USP49: variants seen among roughly 807,000 people sequenced by gnomAD.
USP49 encodes the protein ubiquitin specific peptidase 49.
Under a neutral mutation model 58.6 loss-of-function variants are expected in USP49, and 24 were observed. The ratio of observed to expected loss-of-function variants is 0.41; its 90% CI spans 0.30 to 0.58. The LOEUF (loss-of-function observed/expected upper bound fraction) is 0.58, where lower values mean the gene tolerates loss of function less well. USP49 is among the 20% of genes least tolerant of loss of function. The pLI is 0.30. For synonymous variants in USP49, 408 were observed against 365.1 expected, an observed-to-expected ratio of 1.12 and a Z score of -1.34; for missense variants, 703 against 866.1, an observed-to-expected ratio of 0.81 and a Z score of 2.36.
At position 41,848,014 on chromosome 6, in the gene USP49, C is replaced by G. The variant is rs182862295; in HGVS notation, c.-29+23550G>C. Reference sequence around the variant, plus strand: ...ATTATCTAAAGTCAAAGGCAGAGAACATATTCAAAGCAGCAAAAGAAAATC... The same window carrying G: ...ATTATCTAAAGTCAAAGGCAGAGAAGATATTCAAAGCAGCAAAAGAAAATC... On this transcript the variant is annotated intron_variant, in intron 3 of 7. Coordinates refer to ENST00000682992, the MANE Select transcript of USP49 (RefSeq NM_001286554.2). Among the ~76,000 whole-genome samples the G allele has an allele frequency of 1.3e-4, 20 of 152,224 alleles. No individual in the cohort carries two copies. In the East Asian group the frequency reaches 3.1e-3, roughly 24 times the overall value.
intron 3 of USP49, among the ~76,000 whole-genome samples, chr6:41,823,917 C>T (rs1397587905): frequency 6.6e-6 from 1 of 152,074 alleles, no homozygotes; most frequent in Non-Finnish European, 1.5e-5. Context: ...AATGGTGAAG[C>T]ACTCCTCCTC....
At chr6:41,800,139 T>C (rs913664679) in intron 5 of USP49, among the ~76,000 whole-genome samples, 1 of 152,214 alleles carries the variant, frequency 6.6e-6, no homozygotes, top group African/African-American at 2.4e-5. Flanking sequence ...ATGGAAGTTC[T>C]GGCTAAGATG....
rs1773057076 is a variant in USP49 at position 41,803,523 on chromosome 6, C to G, written c.1561+283G>C. On this transcript the variant is annotated intron_variant, in intron 5 of 7. Transcript: ENST00000682992. This position sits in a 1 kb window ranked among gnomAD's most constrained non-coding sequence, Gnocchi z 4.1. ...TTCACCATGTTGGTCAGGCTGGTCT[C>G]AAACTCCTGACCTCAAGTGATCTGT... Among the ~76,000 whole-genome samples, 1 of 152,204 alleles carries G rather than the reference C, an allele frequency of 6.6e-6. No individual in the cohort carries two copies. Among genetic ancestry groups the G allele is most frequent in the Admixed American group, 6.5e-5 (1 of 15,286 alleles).
chr6:41,806,658 G>A lies in USP49; in HGVS notation c.326C>T (p.Thr109Met), dbSNP rs755635345. 14 of 1,613,864 alleles carry A rather than the reference G, an allele frequency of 8.7e-6. No homozygotes were observed. The highest frequency in any genetic ancestry group is 7.6e-6 in the Non-Finnish European group (9 of 1,180,056). Residue 109 changes from threonine (T) to methionine (M), a missense_variant, in exon 4 of 8, where the codon ACG becomes ATG. Transcript: ENST00000682992. The surrounding 1 kb of genome is among the most constrained non-coding windows in gnomAD (Gnocchi z 5.9). ...CAGCGTCCGCCCACGTCTCACCGGCGTGTCCTGTTTCTGGCCCCGGACCGC... is the reference window on the plus strand; with the variant it reads ...CAGCGTCCGCCCACGTCTCACCGGCATGTCCTGTTTCTGGCCCCGGACCGC... ...LLAVRGQKQD[T>M]PVRRGRTLRS...
At chr6:41,805,477 G>T in intron 4 of USP49, 151 bp downstream of exon 4, 1 of 811,332 alleles carries the variant, frequency 1.2e-6, no homozygotes, top group Non-Finnish European at 1.9e-6. Flanking sequence ...ATAATGTACA[G>T]CAGAATGAAA....
Position 41,797,833 on chromosome 6 carries a change from C to G in USP49, c.1876+891G>C, listed in dbSNP as rs77616180. 6.9e-5 allele frequency: 68 copies of G among 984,008 alleles called. No individual in the cohort carries two copies. In the African/African-American group the frequency reaches 1.1e-3, roughly 16 times the overall value. The allele number at this position is 984,008 out of a possible 1,614,324, so 61.0% of individuals were successfully genotyped here. A position where few individuals can be genotyped will look rare whatever the true frequency, so the allele number is the denominator to read the frequency against. On this transcript the variant is annotated intron_variant, in intron 7 of 7. Coordinates refer to ENST00000682992, the MANE Select transcript of USP49 (RefSeq NM_001286554.2). ...GATAATACTACAATATCCTCTAACA[C>G]TGACTGAATAAGTACTATGTGGTAG...
intron 5 of USP49, among the ~76,000 whole-genome samples, chr6:41,802,440 A>ATTTTAT (rs764401915): frequency 8.7e-5 from 5 of 57,440 alleles, no homozygotes; most frequent in Non-Finnish European, 1.7e-4. Flanking sequence ...TTATTTATTT[A>ATTTTAT]TTTATTTATT....
chr6:41,805,412 T>C (rs1773094111), intron 4 of USP49, among the ~76,000 whole-genome samples: 1 of 152,188 alleles, frequency 6.6e-6, no homozygotes, highest in Middle Eastern at 3.4e-3. Flanking sequence ...ATGTGGCAAG[T>C]TAAACTAAAA....
chr6:41,826,450 T>C (rs1773538839), intron 3 of USP49, among the ~76,000 whole-genome samples: 1 of 152,156 alleles, frequency 6.6e-6, no homozygotes, highest in Non-Finnish European at 1.5e-5. Context: ...AGCCAACATA[T>C]ATAAGTCTGC....
intron 5 of USP49, among the ~76,000 whole-genome samples, chr6:41,801,207 T>C (rs755051118): frequency 3.3e-5 from 5 of 152,250 alleles, no homozygotes; most frequent in Admixed American, 6.5e-5. Context: ...TTTTGTTATA[T>C]TAAATTGGTA....
At position 41,795,772 on chromosome 6, in the gene USP49, G is replaced by A. The variant is rs1195247555; in HGVS notation, c.*761C>T. The A allele has an allele frequency of 6.6e-6, 1 of 152,178 alleles. No homozygotes were observed. The highest frequency in any genetic ancestry group is 1.5e-5 in the Non-Finnish European group (1 of 68,046). The allele number at this position is 152,178 out of a possible 1,614,324, so 9.4% of individuals were successfully genotyped here. ...CTACAGAACTGAGATAGCCAGGAGT[G>A]TCCTTTGGCTCAGCATGGAACATGT... is the stretch of plus-strand genomic sequence containing the variant. On this transcript the variant is annotated 3_prime_UTR_variant, in exon 8 of 8. Transcript: ENST00000682992.
chr6:41,799,694 C>A, intron 6 of USP49, 136 bp downstream of exon 6: 1 of 723,028 alleles, frequency 1.4e-6, no homozygotes, highest in South Asian at 1.8e-5. Context: ...ACAGTTTAAT[C>A]TCCATGGAAA....
intron 2 of USP49, among the ~76,000 whole-genome samples, chr6:41,872,357 A>G (rs1236395107): frequency 6.6e-6 from 1 of 152,158 alleles, no homozygotes; most frequent in Non-Finnish European, 1.5e-5. Context: ...TTAAGAAAAT[A>G]TGTTCCCGGC....
chr6:41,803,669 A>G lies in USP49; in HGVS notation c.1561+137T>C, dbSNP rs1773059071. 2.0e-6 allele frequency: 2 copies of G among 1,007,028 alleles called. No homozygotes were observed. The allele number at this position is 1,007,028 out of a possible 1,614,324, so 62.4% of individuals were successfully genotyped here. A position where few individuals can be genotyped will look rare whatever the true frequency, so the allele number is the denominator to read the frequency against. On this transcript the variant is annotated intron_variant, in intron 5 of 7. Coordinates refer to ENST00000682992, the MANE Select transcript of USP49 (RefSeq NM_001286554.2). The surrounding 1 kb of genome is among the most constrained non-coding windows in gnomAD (Gnocchi z 4.1). The stretch of plus-strand genomic sequence containing the variant: ...TTTTTGTTTTTAGAAAAATGGGAGA[A>G]AAAGATCTTTAAAAGATGCTTTAGA...
chr6:41,872,915 A>G (rs1214123408), intron 2 of USP49: 1 of 151,964 alleles, frequency 6.6e-6, no homozygotes, highest in Non-Finnish European at 1.5e-5. Context: ...CAAAAAAAAA[A>G]AAAAAGAAAA....
chr6:41,802,412 A>ATTTTATTTTATT (rs1773019960), intron 5 of USP49, among the ~76,000 whole-genome samples: 3 of 88,664 alleles, frequency 3.4e-5, no homozygotes, highest in African/African-American at 1.3e-4. Context: ...TTTATTTTTT[A>ATTTTATTTTATT]TTTTATTTTA....
At chr6:41,844,313 C>T (rs1460736238) in intron 3 of USP49, among the ~76,000 whole-genome samples, 1 of 151,842 alleles carries the variant, frequency 6.6e-6, no homozygotes, top group East Asian at 1.9e-4. Flanking sequence ...GTTGCAGTTT[C>T]TTTCTTTTTT....
chr6:41,806,064 G>A lies in USP49; in HGVS notation c.920C>T (p.Pro307Leu), dbSNP rs1773115876. 1.2e-6 allele frequency: 2 copies of A among 1,613,944 alleles called. No individual in the cohort carries two copies. The highest frequency in any genetic ancestry group is 2.2e-5 in the East Asian group (1 of 44,894). The change falls in exon 4 of 8, where the codon CCA (proline) becomes CTA (leucine). Residue 307 changes from proline to leucine, a missense_variant. By Grantham distance (98) the Pro-to-Leu change is moderately conservative. Around this residue, in one of 6 missense-constraint regions of USP49, gnomAD observed 97 missense variants for 88.0 expected, o/e 1.10. Coordinates refer to ENST00000682992, the MANE Select transcript of USP49 (RefSeq NM_001286554.2). This position sits in a 1 kb window ranked among gnomAD's most constrained non-coding sequence, Gnocchi z 5.9. ...CAGCTCCGTGGCCGAGCTGTTGGTTGGCTTGCCAGAAAGCTGAGTCTTCCC... is the reference window on the plus strand; with the variant it reads ...CAGCTCCGTGGCCGAGCTGTTGGTTAGCTTGCCAGAAAGCTGAGTCTTCCC... ...TNGKTQLSGKPTNSSATELSL... is the reference protein window; with the variant it reads ...TNGKTQLSGKLTNSSATELSL...
chr6:41,837,338 C>T (rs373076928), intron 3 of USP49, among the ~76,000 whole-genome samples: 139 of 152,022 alleles, frequency 9.1e-4, no homozygotes, highest in African/African-American at 3.3e-3. Context: ...TCAACAAAGT[C>T]GACAAAAGCA....
Sources: allele counts gnomAD v4.1 joint callset (sites outside exome capture counted in the v4.1 genomes callset), GRCh38; gene constraint gnomAD v4.1.1; regional missense constraint gnomAD v4.1.1; non-coding constraint Gnocchi (gnomAD v3.1); transcripts MANE v1.5; gene names NCBI Gene and HGNC (gene_info 2026-07-23, HGNC 2026-07-21).